The following FBXL17 variants were observed in gnomAD, a reference collection of about 807,000 sequenced individuals.
FBXL17 encodes the protein F-box/LRR-repeat protein 17.
A neutral mutation model predicts 66.2 loss-of-function variants in FBXL17; 22 were observed. The observed-to-expected ratio is 0.33, with a 90% CI of 0.24 to 0.47. The LOEUF is 0.47. FBXL17 is among the 20% of genes least tolerant of loss of function. The pLI is 1.00. For synonymous variants in FBXL17, 474 were observed against 400.5 expected (o/e 1.18, Z -2.19); for missense variants, 878 against 948.2 (o/e 0.93, Z 0.97).
At chr5:108,273,779 A>G (rs1013916626) in intron 4 of FBXL17, among the ~76,000 whole-genome samples, 19 of 152,234 alleles carry the variant, frequency 1.2e-4, no homozygotes, top group Admixed American at 4.6e-4. Context: ...GATTCTGTGG[A>G]ATAATAAAGA....
rs148184021 is a variant in FBXL17, at chr5:108,208,626, C to T, written c.1614+15495G>A. 3.6e-4 allele frequency among the ~76,000 whole-genome samples: 54 copies of T among 152,054 alleles called. No individual in the cohort carries two copies. In the East Asian group the frequency reaches 4.8e-3, roughly 14 times the overall value. On this transcript the variant is annotated intron_variant, in intron 5 of 8. Transcript: ENST00000542267. ...GTCAAAGATCAGATGGTTGTAGATA[C>T]GTGGTGTTATTTCTTAGGTCTCTGT...
intron 7 of FBXL17, among the ~76,000 whole-genome samples, chr5:108,002,182 A>ATT (rs765399250): frequency 0.017 from 1,898 of 109,438 alleles, 46 homozygotes; most frequent in East Asian, 0.059. Flanking sequence ...CACCCAGCTA[A>ATT]TTTTTTTTTT....
At chr5:108,120,022 T>C (rs958317945) in intron 6 of FBXL17, among the ~76,000 whole-genome samples, 8 of 152,246 alleles carry the variant, frequency 5.3e-5, no homozygotes, top group Admixed American at 4.6e-4. Context: ...GTGCTCTTTG[T>C]GTTGGTCTAC....
chr5:108,298,151 C>T, intron 4 of FBXL17: 1 of 972,694 alleles, frequency 1.0e-6, no homozygotes, highest in Non-Finnish European at 1.2e-6. Context: ...TTTTAGGGAG[C>T]AAGAAACATA....
At chr5:107,971,892 G>A (rs1359868285) in intron 7 of FBXL17, among the ~76,000 whole-genome samples, 2 of 152,126 alleles carry the variant, frequency 1.3e-5, no homozygotes, top group African/African-American at 4.8e-5. Context: ...TGCCTCCACT[G>A]TATCCCATGT....
intron 5 of FBXL17, among the ~76,000 whole-genome samples, chr5:108,190,792 T>C (rs575193146): frequency 6.6e-6 from 1 of 152,302 alleles, no homozygotes; most frequent in East Asian, 1.9e-4. Context: ...AAAATCACCA[T>C]TTTTTTAAAC....
intron 3 of FBXL17, among the ~76,000 whole-genome samples, chr5:108,349,507 G>A (rs936264938): frequency 6.6e-6 from 1 of 152,016 alleles, no homozygotes; most frequent in South Asian, 2.1e-4. Flanking sequence ...TCCAGGGGTG[G>A]TGATAGATAT....
intron 4 of FBXL17, among the ~76,000 whole-genome samples, chr5:108,314,849 A>G (rs1007718573): frequency 7.3e-5 from 11 of 151,434 alleles, no homozygotes; most frequent in African/African-American, 2.7e-4. Flanking sequence ...CCTACAAAAC[A>G]CTGCAGACTA....
chr5:108,018,077 A>G (rs1041519862), intron 7 of FBXL17, among the ~76,000 whole-genome samples: 1 of 152,136 alleles, frequency 6.6e-6, no homozygotes, highest in Non-Finnish European at 1.5e-5. Flanking sequence ...AGTATACTGT[A>G]CTAAAAGAAT....
chr5:108,222,653 A>C (rs1188846125), intron 5 of FBXL17, among the ~76,000 whole-genome samples: 1 of 150,748 alleles, frequency 6.6e-6, no homozygotes, highest in Non-Finnish European at 1.5e-5. Context: ...ATTTTCTAGC[A>C]ATTTAGATAC....
At chr5:108,339,000 G>T (rs1157026624) in intron 4 of FBXL17, among the ~76,000 whole-genome samples, 4 of 152,002 alleles carry the variant, frequency 2.6e-5, no homozygotes, top group Non-Finnish European at 5.9e-5. Context: ...AAGTGCCATA[G>T]GACATTTACA....
rs1451083581 is a variant in FBXL17 at position 108,009,294 on chromosome 5, T to TAGATAGATAGATAGATAG, written c.1822+11630_1822+11631insCTATCTATCTATCTATCT. 2.0e-4 allele frequency among the ~76,000 whole-genome samples: 14 copies of TAGATAGATAGATAGATAG among 68,492 alleles called. 1 individual carries two copies. Among genetic ancestry groups the TAGATAGATAGATAGATAG allele is most frequent in the African/African-American group, 6.5e-4 (9 of 13,742 alleles). 44.9% of individuals were successfully genotyped at this position (68,492 alleles called of 152,430 possible). ...ATATATATATATATATATATATATATATATATACATATATACATACACATA... is the reference window on the plus strand; with the variant it reads ...ATATATATATATATATATATATATATAGATAGATAGATAGATAGATATATACATATATACATACACATA... On this transcript the variant is annotated intron_variant, in intron 7 of 8. Coordinates refer to ENST00000542267, the MANE Select transcript of FBXL17 (RefSeq NM_001163315.3).
chr5:108,345,554 G>A (rs1250328702), intron 4 of FBXL17, among the ~76,000 whole-genome samples: 1 of 149,028 alleles, frequency 6.7e-6, no homozygotes, highest in Non-Finnish European at 1.5e-5. Context: ...GTGTAAAATG[G>A]TAAGTTCATC....
intron 6 of FBXL17, among the ~76,000 whole-genome samples, chr5:108,164,953 G>A (rs1441644073): frequency 6.6e-6 from 1 of 152,152 alleles, no homozygotes; most frequent in Admixed American, 6.5e-5. Context: ...ATTTTTAAAT[G>A]CTCCAAAATA....
At chr5:108,056,240 T>C (rs1392543337) in intron 6 of FBXL17, among the ~76,000 whole-genome samples, 1 of 152,194 alleles carries the variant, frequency 6.6e-6, no homozygotes, top group African/African-American at 2.4e-5. Context: ...TACTAATAAT[T>C]TCCCTGGCAA....
At chr5:108,332,941 C>CAAAAAAAAAAAA (rs34218940) in intron 4 of FBXL17, among the ~76,000 whole-genome samples, 28 of 34,744 alleles carry the variant, frequency 8.1e-4, no homozygotes, top group African/African-American at 1.0e-3. Context: ...AAAGCAAAAG[C>CAAAAAAAAAAAA]AAAAAAAAAA....
chr5:108,056,004 GATGTAATAC>G (rs1406128937), intron 6 of FBXL17, among the ~76,000 whole-genome samples: 1 of 152,172 alleles, frequency 6.6e-6, no homozygotes, highest in Non-Finnish European at 1.5e-5. Context: ...CACTGGCTTT[GATGTAATAC>G]ATGGAAAATA....
At position 108,263,319 on chromosome 5, in the gene FBXL17, A is replaced by C. The variant is rs142466585; in HGVS notation, c.1507-39091T>G. Among the ~76,000 whole-genome samples the C allele has an allele frequency of 2.7e-3, 417 of 152,354 alleles. 3 individuals carry two copies. Among genetic ancestry groups the C allele is most frequent in the African/African-American group, 9.6e-3 (398 of 41,588 alleles). ...AATAAAATTTGTAACGACTGGATAG[A>C]AAGAAAAAAACTATCATTATTTTTA... On this transcript the variant is annotated intron_variant, in intron 4 of 8. Transcript: ENST00000542267.
rs181299327 is a variant in FBXL17 at position 107,981,753 on chromosome 5, A to G, written c.1822+39172T>C. 3.2e-3 allele frequency among the ~76,000 whole-genome samples: 493 copies of G among 152,350 alleles called. 4 individuals are homozygous for G. Among genetic ancestry groups the G allele is most frequent in the Non-Finnish European group, 3.1e-3 (214 of 68,034 alleles). On this transcript the variant is annotated intron_variant, in intron 7 of 8. Coordinates refer to ENST00000542267, the MANE Select transcript of FBXL17 (RefSeq NM_001163315.3). ...CATTCTCCTTGATATTCTTGCCAGCATGCGGAGGGGAGAAAAACCAATGAA... is the reference window on the plus strand; with the variant it reads ...CATTCTCCTTGATATTCTTGCCAGCGTGCGGAGGGGAGAAAAACCAATGAA...
Sources: gnomAD v4.1 joint callset for allele counts (sites outside exome capture counted in the v4.1 genomes callset) on GRCh38, gnomAD v4.1.1 for gene constraint, MANE v1.5 for transcripts, NCBI Gene and HGNC (gene_info 2026-07-23, HGNC 2026-07-21) for gene names.